Variants in UTRN observed in about 807,000 individuals in gnomAD.
UTRN encodes utrophin, also known as dystrophin-related protein 1.
A neutral mutation model predicts 463.9 loss-of-function variants in UTRN; 283 were observed. The observed-to-expected ratio is 0.61, with a 90% CI of 0.55 to 0.67. The LOEUF (loss-of-function observed/expected upper bound fraction) is 0.67, where lower values mean the gene tolerates loss of function less well. UTRN is among the 30% of genes least tolerant of loss of function. UTRN has a pLI of 0.00. For synonymous variants in UTRN, 1,442 were observed against 1,431.5 expected, an observed-to-expected ratio of 1.01 and a Z score of -0.17; for missense variants, 3,922 against 4,084.3, an observed-to-expected ratio of 0.96 and a Z score of 1.08.
chr6:144,836,212 G>C, intron 70 of UTRN, 89 bp from the exon 71 acceptor site: 1 of 1,579,644 alleles, frequency 6.3e-7, no homozygotes, highest in Non-Finnish European at 8.6e-7. Flanking sequence ...AGAGGAACTA[G>C]CATGAGCTAA....
At position 144,466,556 on chromosome 6, in the gene UTRN, A is replaced by G. The variant is rs567951489; in HGVS notation, c.3066+3690A>G. ...GGTAAAATATTCATTGTTACTTTTTACAAACTACTATACCCCTTCCAGGTG... is the reference window on the plus strand; with the variant it reads ...GGTAAAATATTCATTGTTACTTTTTGCAAACTACTATACCCCTTCCAGGTG... On this transcript the variant is annotated intron_variant, in intron 23 of 74. Transcript: ENST00000367545. 1.2e-4 allele frequency among the ~76,000 whole-genome samples: 18 copies of G among 152,328 alleles called. No individual in the cohort carries two copies. The South Asian group carries it at 3.7e-3, about 32-fold the overall frequency.
At chr6:144,811,405 C>G (rs890058107) in intron 65 of UTRN, among the ~76,000 whole-genome samples, 1 of 152,162 alleles carries the variant, frequency 6.6e-6, no homozygotes, top group African/African-American at 2.4e-5. Context: ...GGCTGTTTCT[C>G]TGACCTCAGC....
chr6:144,722,319 G>GT (rs1787282404), intron 53 of UTRN, among the ~76,000 whole-genome samples: 3 of 145,248 alleles, frequency 2.1e-5, no homozygotes, highest in African/African-American at 7.5e-5. Context: ...ACTTCCCTCC[G>GT]GTTTTTTTTT....
intron 52 of UTRN, among the ~76,000 whole-genome samples, chr6:144,693,845 T>C (rs780612118): frequency 2.6e-5 from 4 of 152,208 alleles, no homozygotes; most frequent in Non-Finnish European, 4.4e-5. Context: ...CAAACAGATA[T>C]AGTTTGACTT....
At chr6:144,766,944 C>T (rs1162797945) in intron 58 of UTRN, among the ~76,000 whole-genome samples, 1 of 151,850 alleles carries the variant, frequency 6.6e-6, no homozygotes, top group Non-Finnish European at 1.5e-5. Context: ...GACAATTTCT[C>T]AGTTAAAGGG....
chr6:144,849,530 G>A (rs1782307909), intron 74 of UTRN, among the ~76,000 whole-genome samples: 1 of 152,128 alleles, frequency 6.6e-6, no homozygotes, highest in Non-Finnish European at 1.5e-5. Flanking sequence ...CAACTTAGTG[G>A]ATGGAGCAAA....
At chr6:144,471,525 G>A (rs995248658) in intron 23 of UTRN, among the ~76,000 whole-genome samples, 10 of 152,194 alleles carry the variant, frequency 6.6e-5, no homozygotes, top group Non-Finnish European at 1.5e-4. Context: ...GTCATTTTAT[G>A]AACTCTGTGA....
rs1786718125 is a variant in UTRN, at chr6:144,437,755, A to T, written c.1241+9A>T. 1.2e-6 allele frequency: 2 copies of T among 1,603,032 alleles called. No homozygotes were observed. The highest frequency in any genetic ancestry group is 8.5e-7 in the Non-Finnish European group (1 of 1,175,568). ...ATGGACAGACAGTCCCGGTGAGTGG[A>T]AAGCCAAGAAATGCACTTAATTCCA... On this transcript the variant is annotated intron_variant, in intron 11 of 74. Transcript: ENST00000367545.
chr6:144,685,231 G>T (rs950769069), intron 52 of UTRN, among the ~76,000 whole-genome samples: 1 of 152,118 alleles, frequency 6.6e-6, no homozygotes, highest in Non-Finnish European at 1.5e-5. Flanking sequence ...ATGGCTGAGT[G>T]GTATTTCATG....
chr6:144,677,654 G>T (rs1222386155), intron 51 of UTRN, among the ~76,000 whole-genome samples: 1 of 152,104 alleles, frequency 6.6e-6, no homozygotes, highest in Non-Finnish European at 1.5e-5. Context: ...TGGGTCAAAT[G>T]GTATTTTTGG....
chr6:144,787,478 G>C (rs917444589), intron 61 of UTRN, among the ~76,000 whole-genome samples: 2 of 152,086 alleles, frequency 1.3e-5, no homozygotes, highest in Non-Finnish European at 2.9e-5. Flanking sequence ...AAGTTTATTA[G>C]ATATGATTTA....
intron 52 of UTRN, among the ~76,000 whole-genome samples, chr6:144,681,523 A>G (rs9403578): frequency 0.13 from 19,491 of 151,996 alleles, 1,694 homozygotes; most frequent in East Asian, 0.51. Flanking sequence ...TGCAGAGTCC[A>G]GGAGCAATTA....
chr6:144,790,690 T>C (rs551963493), intron 62 of UTRN, among the ~76,000 whole-genome samples: 80 of 152,352 alleles, frequency 5.3e-4, no homozygotes, highest in Middle Eastern at 3.4e-3. Flanking sequence ...GGAATCATAA[T>C]CATGAAAAGA....
At chr6:144,567,415 T>A (rs944081715) in intron 50 of UTRN, among the ~76,000 whole-genome samples, 3 of 152,012 alleles carry the variant, frequency 2.0e-5, no homozygotes, top group Admixed American at 2.0e-4. Flanking sequence ...GTGAGGGAAA[T>A]CCTCTCAAAG....
chr6:144,577,040 A>T (rs1472132063), intron 50 of UTRN, 59 bp from the exon 51 acceptor site: 5 of 1,531,360 alleles, frequency 3.3e-6, no homozygotes, highest in Non-Finnish European at 4.5e-6. Context: ...GGGATGCGTG[A>T]TGTGGAATGT....
chr6:144,781,541 G>A (rs1166902821), intron 60 of UTRN, among the ~76,000 whole-genome samples: 1 of 152,140 alleles, frequency 6.6e-6, no homozygotes, highest in Non-Finnish European at 1.5e-5. Context: ...TTAAGATGAG[G>A]AGAGCAGTGT....
chr6:144,297,912 T>C (rs1423285815), intron 2 of UTRN, among the ~76,000 whole-genome samples: 1 of 152,198 alleles, frequency 6.6e-6, no homozygotes, highest in East Asian at 1.9e-4. Flanking sequence ...GTACGTTAAT[T>C]ATATAGACAG....
At chr6:144,375,567 C>T (rs1468179085) in intron 2 of UTRN, among the ~76,000 whole-genome samples, 2 of 152,070 alleles carry the variant, frequency 1.3e-5, no homozygotes, top group African/African-American at 4.8e-5. Context: ...TTTCCAGGCT[C>T]TTTGTTTGGA....
At chr6:144,504,984 T>G (rs1274663000) in intron 34 of UTRN, among the ~76,000 whole-genome samples, 1 of 152,218 alleles carries the variant, frequency 6.6e-6, no homozygotes, top group African/African-American at 2.4e-5. Context: ...TGGTTTAGTC[T>G]TATGAGGGTG....
Sources: gnomAD v4.1 joint callset for allele counts (sites outside exome capture counted in the v4.1 genomes callset) on GRCh38, gnomAD v4.1.1 for gene constraint, MANE v1.5 for transcripts, NCBI Gene and HGNC (gene_info 2026-07-23, HGNC 2026-07-21) for gene names.